The following RELL1 variants were observed in gnomAD, a reference collection of about 807,000 sequenced individuals.
The protein encoded by RELL1 is RELT-like protein 1.
A neutral mutation model predicts 23.0 loss-of-function variants in RELL1; 10 were observed. That is an observed-to-expected ratio of 0.43 (90% CI 0.27 to 0.74). RELL1 has a LOEUF of 0.74. Ranked by LOEUF, RELL1 falls within the 30% of genes least tolerant of loss-of-function variation. The probability of loss-of-function intolerance (pLI) is 0.19; values close to 1 mark genes in which losing one functional copy is unlikely to be tolerated. For missense variants in RELL1, 315 were observed against 364.4 expected, an observed-to-expected ratio of 0.86 and a Z score of 1.10; for synonymous variants, 146 against 146.8, an observed-to-expected ratio of 0.99 and a Z score of 0.04.
chr4:37,632,909 TC>T (rs1720190989), intron 5 of RELL1, among the ~76,000 whole-genome samples: 1 of 152,200 alleles, frequency 6.6e-6, no homozygotes, highest in African/African-American at 2.4e-5. Flanking sequence ...AAATAAATTC[TC>T]CTTCTGTGTC....
At chr4:37,673,477 C>A (rs1325134019) in intron 1 of RELL1, among the ~76,000 whole-genome samples, 1 of 152,094 alleles carries the variant, frequency 6.6e-6, no homozygotes, top group East Asian at 1.9e-4. Flanking sequence ...CAGGCGTGAG[C>A]CACCACACTA....
At chr4:37,664,293 T>C (rs1029384593) in intron 1 of RELL1, among the ~76,000 whole-genome samples, 2 of 151,930 alleles carry the variant, frequency 1.3e-5, no homozygotes, top group Middle Eastern at 3.4e-3. Context: ...GGAGAATTGC[T>C]TGAACCCGGG....
chr4:37,586,404 C>T (rs1416250719), downstream of RELL1, among the ~76,000 whole-genome samples: 1 of 152,100 alleles, frequency 6.6e-6, no homozygotes, highest in African/African-American at 2.4e-5. Context: ...GTCCTAAGTG[C>T]TGAGAATTAG....
chr4:37,587,917 C>T (rs570179030), downstream of RELL1, among the ~76,000 whole-genome samples: 4 of 151,766 alleles, frequency 2.6e-5, no homozygotes, highest in Non-Finnish European at 4.4e-5. Context: ...TGCAGTGAGC[C>T]GAGATTGCGC....
At chr4:37,668,707 T>C (rs905690132) in intron 1 of RELL1, among the ~76,000 whole-genome samples, 1 of 143,902 alleles carries the variant, frequency 6.9e-6, no homozygotes, top group Non-Finnish European at 1.5e-5. Context: ...CCCCTCTGCC[T>C]GGCTGCCCAG....
downstream of RELL1, among the ~76,000 whole-genome samples, chr4:37,608,870 A>G (rs986948058): frequency 1.3e-5 from 2 of 152,122 alleles, no homozygotes; most frequent in East Asian, 1.9e-4. Flanking sequence ...ACCTCAAGCA[A>G]TCAGCCCGCC....
Position 37,634,888 on chromosome 4 carries a change from TGCCAACAGAAAGGACCGTGACCTC to T in RELL1, c.655_678del (p.Glu219_Gly226del). On this transcript the variant is annotated inframe_deletion and splice_region_variant, in exon 5 of 7. Coordinates refer to ENST00000454158, the MANE Select transcript of RELL1 (RefSeq NM_001085400.2). Reference sequence around the variant, plus strand: ...CAAAAGCATCTGAAGGGATCTTACCTGCCAACAGAAAGGACCGTGACCTCGCCTTGGCGCCGTGGTCTGCTCTCT... The same window carrying T: ...CAAAAGCATCTGAAGGGATCTTACCTGCCTTGGCGCCGTGGTCTGCTCTCT... 1 of 1,614,162 alleles carries T rather than the reference TGCCAACAGAAAGGACCGTGACCTC, an allele frequency of 6.2e-7. No individual in the cohort carries two copies. The highest frequency in any genetic ancestry group is 8.5e-7 in the Non-Finnish European group (1 of 1,179,946).
At chr4:37,650,024 T>A (rs10028920) in intron 1 of RELL1, among the ~76,000 whole-genome samples, 47,971 of 152,118 alleles carry the variant, frequency 0.32, 7,761 homozygotes, top group Non-Finnish European at 0.37. Context: ...CTTGGTTTCT[T>A]ATGAAATGGG....
Position 37,604,872 on chromosome 4 carries a change from CACACACAT to C in RELL1, c.*4-13663_*4-13656del, listed in dbSNP as rs1560323883. On this transcript the variant is annotated intron_variant, in intron 6 of 6. Coordinates refer to the RELL1 transcript ENST00000314117. Reference sequence around the variant, plus strand: ...ACACAGACACACACACACAGACACACACACACATACACACAGACACACACACAGACACA... The same window carrying C: ...ACACAGACACACACACACAGACACACACACACAGACACACACACAGACACA... 1.5e-4 allele frequency among the ~76,000 whole-genome samples: 16 copies of C among 107,564 alleles called. 1 individual carries two copies. The highest frequency in any genetic ancestry group is 6.0e-4 in the African/African-American group (15 of 25,150). The allele number at this position is 107,564 out of a possible 152,430, so 70.6% of individuals were successfully genotyped here.
chr4:37,624,334 A>C (rs1203465739), intron 6 of RELL1, among the ~76,000 whole-genome samples: 1 of 152,212 alleles, frequency 6.6e-6, no homozygotes, highest in Non-Finnish European at 1.5e-5. Context: ...TAATAAAAAG[A>C]ACTTGTCAGC....
rs139428750 is a variant in RELL1, at chr4:37,637,307, T to C, written c.443+1140A>G. Among the ~76,000 whole-genome samples, 8 of 152,362 alleles carry C rather than the reference T, an allele frequency of 5.3e-5. No homozygotes were observed. In the East Asian group the frequency reaches 1.3e-3, roughly 26 times the overall value. ...AAAACACACATCTAACGTAGCCAGT[T>C]TGACAAACACCTGTTAAACATCTAA... is the stretch of plus-strand genomic sequence containing the variant. On this transcript the variant is annotated intron_variant, in intron 4 of 6. Coordinates refer to ENST00000454158, the MANE Select transcript of RELL1 (RefSeq NM_001085400.2).
downstream of RELL1, chr4:37,590,543 C>G (rs763238154): frequency 6.2e-7 from 1 of 1,614,176 alleles, no homozygotes; most frequent in East Asian, 2.2e-5. Context: ...AATGGAGACT[C>G]CAGAGCTCCT....
intron 1 of RELL1, among the ~76,000 whole-genome samples, chr4:37,664,144 G>A (rs1182901393): frequency 4.6e-5 from 7 of 152,230 alleles, no homozygotes; most frequent in South Asian, 2.1e-4. Flanking sequence ...TTGGGAGGCC[G>A]AGGCAGGTGG....
At chr4:37,668,246 CG>C (rs1418374570) in intron 1 of RELL1, among the ~76,000 whole-genome samples, 7 of 145,534 alleles carry the variant, frequency 4.8e-5, no homozygotes, top group Non-Finnish European at 1.1e-4. Context: ...CCTCTTTCCA[CG>C]GTCTCCCTCT....
intron 4 of RELL1, among the ~76,000 whole-genome samples, chr4:37,636,525 G>A (rs934234266): frequency 6.6e-6 from 1 of 151,608 alleles, no homozygotes; most frequent in African/African-American, 2.4e-5. Context: ...AACCCGGAAG[G>A]CGGAGCTTGC....
At chr4:37,645,612 G>A (rs13144232) in intron 3 of RELL1, among the ~76,000 whole-genome samples, 47,843 of 152,084 alleles carry the variant, frequency 0.31, 7,695 homozygotes, top group Non-Finnish European at 0.37. Context: ...GGACAATATC[G>A]TGTGGTTGAA....
chr4:37,679,348 A>G (rs1457286262), intron 1 of RELL1, among the ~76,000 whole-genome samples: 3 of 152,172 alleles, frequency 2.0e-5, no homozygotes, highest in African/African-American at 7.2e-5. Flanking sequence ...CTAGAGTACC[A>G]AAGTTGTACT....
chr4:37,635,026 G>A lies in RELL1; in HGVS notation c.541C>T (p.His181Tyr). Reference sequence around the variant, plus strand: ...CTCTCGACAACACCGCCCACCGTATGCAGATGATGGCCACAGACGTGCTTC... The same window carrying A: ...CTCTCGACAACACCGCCCACCGTATACAGATGATGGCCACAGACGTGCTTC... ...PGKHVCGHHL[H>Y]TVGGVVERDV... The change falls in exon 5 of 7, where the codon CAT (histidine) becomes TAT (tyrosine). Residue 181 changes from histidine (H) to tyrosine (Y), a missense_variant. Physicochemically the swap from His to Tyr is moderately conservative, Grantham distance 83. Coordinates refer to ENST00000454158, the MANE Select transcript of RELL1 (RefSeq NM_001085400.2). The A allele has an allele frequency of 4.3e-6, 7 of 1,614,224 alleles. No individual in the cohort carries two copies. Among genetic ancestry groups the A allele is most frequent in the Non-Finnish European group, 5.9e-6 (7 of 1,180,028 alleles).
intron 6 of RELL1, among the ~76,000 whole-genome samples, chr4:37,630,830 C>T (rs1191407043): frequency 6.6e-6 from 1 of 151,904 alleles, no homozygotes; most frequent in Non-Finnish European, 1.5e-5. Flanking sequence ...AAACTGGTTT[C>T]CAACAGAATA....
Sources: allele counts gnomAD v4.1 joint callset (sites outside exome capture counted in the v4.1 genomes callset), GRCh38; gene constraint gnomAD v4.1.1; transcripts MANE v1.5; gene names NCBI Gene and HGNC (gene_info 2026-07-23, HGNC 2026-07-21).